SLC4A5: variants seen among roughly 807,000 people sequenced by gnomAD.
The protein encoded by SLC4A5 is solute carrier family 4 member 5.
SLC4A5 carries 96 observed loss-of-function variants against 120.4 expected under a neutral mutation model. The observed-to-expected ratio is 0.80, with a 90% CI of 0.68 to 0.94. SLC4A5 has a LOEUF of 0.94. Among genes scored for constraint, SLC4A5 ranks in the 40% least tolerant of loss-of-function variants. The pLI is 0.00. For missense variants in SLC4A5, 1,259 were observed against 1,459.5 expected (o/e 0.86, Z 2.24); for synonymous variants, 550 against 571.1 (o/e 0.96, Z 0.53).
At position 74,227,672 on chromosome 2, in the gene SLC4A5, C is replaced by T. The variant is rs140125594; in HGVS notation, c.2916+138G>A. 33 of 1,138,240 alleles carry T rather than the reference C, an allele frequency of 2.9e-5. No homozygotes were observed. The Admixed American group carries it at 5.3e-4, about 18-fold the overall frequency. The allele number at this position is 1,138,240 out of a possible 1,614,324, so 70.5% of individuals were successfully genotyped here. On this transcript the variant is annotated intron_variant, in intron 26 of 30. Coordinates refer to ENST00000394019, the Ensembl canonical transcript of SLC4A5. ...TGATAGCATCAGTAAGTGGTAGTATCATTATTACTATTATTCTTTCATTGA... is the reference window on the plus strand; with the variant it reads ...TGATAGCATCAGTAAGTGGTAGTATTATTATTACTATTATTCTTTCATTGA...
At chr2:74,262,337 G>T in intron 10 of SLC4A5, 105 bp from the exon 11 acceptor site, 43 of 596,280 alleles carry the variant, frequency 7.2e-5, no homozygotes, top group East Asian at 2.0e-4. Context: ...GGCAAGACAT[G>T]TCTCTTCCCC....
intron 5 of SLC4A5, among the ~76,000 whole-genome samples, chr2:74,316,790 A>C (rs1402053077): frequency 6.6e-6 from 1 of 152,206 alleles, no homozygotes; most frequent in Non-Finnish European, 1.5e-5. Context: ...CTGCTCCATA[A>C]GCCATAACTA....
intron 8 of SLC4A5, among the ~76,000 whole-genome samples, chr2:74,270,337 C>T (rs1671432845): frequency 1.3e-5 from 2 of 152,198 alleles, no homozygotes; most frequent in Admixed American, 1.3e-4. Context: ...TGGTTTTCAA[C>T]CTTGGCTGTC....
In SLC4A5 at chr2:74,259,535, GACTTTTTCCT is replaced by G. The variant is rs1039773247; in HGVS notation, c.867+43_867+52del. On this transcript the variant is annotated intron_variant, in intron 12 of 30. Coordinates refer to ENST00000394019, the Ensembl canonical transcript of SLC4A5. ...GGGGATCCCTGCTCCTGAAACCAAA[GACTTTTTCCT>G]GCCCTGGCCCTCCATTGCAGCTAAG... The G allele has an allele frequency of 1.9e-6, 3 of 1,589,294 alleles. No homozygotes were observed. In the Admixed American group the frequency reaches 5.0e-5, roughly 26 times the overall value.
chr2:74,224,842 C>A lies in SLC4A5; in HGVS notation c.3244G>T (p.Glu1082Ter). The A allele has an allele frequency of 1.2e-6, 2 of 1,609,534 alleles. No homozygotes were observed. Among genetic ancestry groups the A allele is most frequent in the Non-Finnish European group, 1.7e-6 (2 of 1,179,192 alleles). The change falls in exon 28 of 31, where the codon GAG becomes TAG. Residue 1082 changes from glutamate to a stop codon, truncating the protein, a stop_gained and splice_region_variant. Transcript: ENST00000394019. LOFTEE classifies it high-confidence loss of function. ...CCCCGGCCTCACATCTTCCCCACCTCCTCATCACAGTCCTCGTGGGCCCCT... is the reference window on the plus strand; with the variant it reads ...CCCCGGCCTCACATCTTCCCCACCTACTCATCACAGTCCTCGTGGGCCCCT...
In SLC4A5 at chr2:74,266,748, C is replaced by T. The variant is rs574819997; in HGVS notation, c.402-1484G>A. ...CTAGAAGAGAATATAGGAGAGTATT[C>T]TTATATTCTTGGAGAATATTGTGGA... On this transcript the variant is annotated intron_variant, in intron 8 of 30. Transcript: ENST00000394019. Among the ~76,000 whole-genome samples, 9 of 152,190 alleles carry T rather than the reference C, an allele frequency of 5.9e-5. No individual in the cohort carries two copies. The South Asian group carries it at 1.2e-3, about 21-fold the overall frequency.
At chr2:74,296,205 G>A (rs1034210791) in intron 7 of SLC4A5, among the ~76,000 whole-genome samples, 4 of 152,028 alleles carry the variant, frequency 2.6e-5, no homozygotes, top group Admixed American at 2.0e-4. Flanking sequence ...AATTCGGGGC[G>A]ATCTTGGTTT....
At chr2:74,323,187 C>G (rs182734830) in intron 5 of SLC4A5, among the ~76,000 whole-genome samples, 1 of 152,234 alleles carries the variant, frequency 6.6e-6, no homozygotes, top group Non-Finnish European at 1.5e-5. Context: ...TTGCAGTGAG[C>G]TGAGATTGTG....
chr2:74,286,605 AC>A (rs1477024739), intron 7 of SLC4A5, among the ~76,000 whole-genome samples: 2 of 152,222 alleles, frequency 1.3e-5, no homozygotes, highest in Non-Finnish European at 2.9e-5. Flanking sequence ...TATGAAGAAG[AC>A]CTATGTGTCC....
intron 3 of SLC4A5, among the ~76,000 whole-genome samples, chr2:74,337,756 T>C (rs1215027704): frequency 1.3e-5 from 2 of 152,222 alleles, no homozygotes; most frequent in East Asian, 1.9e-4. Context: ...TGAATTTGCA[T>C]CCCGATCTGC....
At chr2:74,276,604 G>T (rs868423095) in intron 8 of SLC4A5, among the ~76,000 whole-genome samples, 13 of 147,560 alleles carry the variant, frequency 8.8e-5, no homozygotes, top group African/African-American at 3.1e-4. Context: ...GAAGAATTCT[G>T]AAAGTTCTGG....
intron 20 of SLC4A5, among the ~76,000 whole-genome samples, chr2:74,240,787 A>T (rs1485995553): frequency 3.3e-5 from 5 of 151,050 alleles, no homozygotes; most frequent in Non-Finnish European, 7.4e-5. Context: ...AAAAAACCCT[A>T]ATCTTTGAAA....
chr2:74,285,642 G>C lies in SLC4A5; in HGVS notation c.401+131C>G, dbSNP rs144334791. On this transcript the variant is annotated intron_variant, in intron 8 of 30. Coordinates refer to ENST00000394019, the Ensembl canonical transcript of SLC4A5. Reference sequence around the variant, plus strand: ...CTCCTTAGTTCTGGACACCAAGGAAGGCAGCTGGGAGGGTCTTTGTGGACC... The same window carrying C: ...CTCCTTAGTTCTGGACACCAAGGAACGCAGCTGGGAGGGTCTTTGTGGACC... 1.5e-3 allele frequency: 1,498 copies of C among 1,029,156 alleles called. 17 individuals are homozygous for C. The African/African-American group carries it at 0.02, about 14-fold the overall frequency. 63.8% of individuals were successfully genotyped at this position (1,029,156 alleles called of 1,614,324 possible).
chr2:74,227,919 G>C, intron 25 of SLC4A5, 41 bp from the exon 26 acceptor site: 1 of 1,507,668 alleles, frequency 6.6e-7, no homozygotes, highest in Non-Finnish European at 8.9e-7. Context: ...TCTGCCTGGG[G>C]CGGCCCTTGG....
In SLC4A5 at chr2:74,285,758, G is replaced by A; in HGVS notation, c.401+15C>T. The A allele has an allele frequency of 6.2e-7, 1 of 1,607,492 alleles. No individual in the cohort carries two copies. Among genetic ancestry groups the A allele is most frequent in the Non-Finnish European group, 8.5e-7 (1 of 1,175,822 alleles). ...AGACTGAAGTGCCCACCTCCCTCGT[G>A]GGGCCCCGCCTCACCTGGCTGACTC... On this transcript the variant is annotated intron_variant, in intron 8 of 30. Coordinates refer to ENST00000394019, the Ensembl canonical transcript of SLC4A5.
At chr2:74,260,449 C>A (rs1025036455) in intron 11 of SLC4A5, among the ~76,000 whole-genome samples, 1 of 152,190 alleles carries the variant, frequency 6.6e-6, no homozygotes, top group African/African-American at 2.4e-5. Context: ...CCCATTTGGG[C>A]TGAGGATGCC....
intron 7 of SLC4A5, among the ~76,000 whole-genome samples, chr2:74,292,930 T>C (rs990705210): frequency 3.6e-4 from 55 of 152,090 alleles, no homozygotes; most frequent in African/African-American, 1.3e-3. Context: ...GCCCCTGACA[T>C]GGGTTCACAC....
intron 5 of SLC4A5, among the ~76,000 whole-genome samples, chr2:74,321,710 A>G (rs1004187568): frequency 2.0e-5 from 3 of 151,544 alleles, no homozygotes; most frequent in Non-Finnish European, 4.4e-5. Context: ...ACACTGTCCA[A>G]CAACCATTCC....
intron 8 of SLC4A5, among the ~76,000 whole-genome samples, chr2:74,280,379 C>T (rs868646751): frequency 6.6e-6 from 1 of 152,194 alleles, no homozygotes; most frequent in Non-Finnish European, 1.5e-5. Context: ...TTACCAAATG[C>T]CCCCTTATTT....
Sources: gnomAD v4.1 joint callset for allele counts (sites outside exome capture counted in the v4.1 genomes callset) on GRCh38, gnomAD v4.1.1 for gene constraint, MANE v1.5 for transcripts, NCBI Gene and HGNC (gene_info 2026-07-23, HGNC 2026-07-21) for gene names.